The following CEP112 variants were observed in gnomAD, a reference collection of about 807,000 sequenced individuals.
The protein encoded by CEP112 is centrosomal protein of 112 kDa.
CEP112 carries 127 observed loss-of-function variants against 153.0 expected under a neutral mutation model. That is an observed-to-expected ratio of 0.83 (90% confidence interval 0.72 to 0.96). The LOEUF is 0.96. CEP112 is among the 40% of genes least tolerant of loss of function. The pLI is 0.00. For missense variants in CEP112, 1,089 were observed against 1,101.2 expected, an observed-to-expected ratio of 0.99 and a Z score of 0.16; for synonymous variants, 358 against 374.4, an observed-to-expected ratio of 0.96 and a Z score of 0.51.
chr17:65,942,113 G>A (rs2061522817), intron 18 of CEP112, among the ~76,000 whole-genome samples: 1 of 152,176 alleles, frequency 6.6e-6, no homozygotes, highest in African/African-American at 2.4e-5. Context: ...CATCCAGCAG[G>A]AGGTGAGTGG....
chr17:65,816,723 G>T (rs1421733620), intron 21 of CEP112, among the ~76,000 whole-genome samples: 2 of 151,982 alleles, frequency 1.3e-5, no homozygotes, highest in African/African-American at 4.8e-5. Context: ...GTGATTTTTT[G>T]TGTGTGTCTG....
At chr17:65,949,683 C>T (rs993133154) in intron 18 of CEP112, among the ~76,000 whole-genome samples, 2 of 152,130 alleles carry the variant, frequency 1.3e-5, no homozygotes, top group African/African-American at 4.8e-5. Flanking sequence ...CGAATACAGA[C>T]GATGAGCCAG....
intron 25 of CEP112, among the ~76,000 whole-genome samples, chr17:65,639,479 C>G (rs1486889776): frequency 4.6e-5 from 7 of 151,452 alleles, no homozygotes; most frequent in Admixed American, 3.9e-4. Flanking sequence ...AGTTCGAGAC[C>G]AGCCTGGCCA....
chr17:65,692,779 G>T (rs2048173494), intron 23 of CEP112, among the ~76,000 whole-genome samples: 1 of 152,038 alleles, frequency 6.6e-6, no homozygotes, highest in Non-Finnish European at 1.5e-5. Context: ...GCAGCTCAGG[G>T]CTCTCCTCTC....
At chr17:65,909,886 C>A (rs920785586) in intron 19 of CEP112, among the ~76,000 whole-genome samples, 1 of 152,216 alleles carries the variant, frequency 6.6e-6, no homozygotes, top group East Asian at 1.9e-4. Flanking sequence ...TTTCCAGTAT[C>A]CCAGTTTTAG....
chr17:65,853,870 T>C (rs2058045750), intron 20 of CEP112, among the ~76,000 whole-genome samples: 1 of 152,226 alleles, frequency 6.6e-6, no homozygotes, highest in African/African-American at 2.4e-5. Context: ...ATGTAGTCTA[T>C]CTCCCATTAA....
At chr17:65,796,690 T>C (rs2054931746) in intron 21 of CEP112, among the ~76,000 whole-genome samples, 1 of 151,688 alleles carries the variant, frequency 6.6e-6, no homozygotes, top group Non-Finnish European at 1.5e-5. Flanking sequence ...TCGAATATTG[T>C]AAAAATGTAT....
intron 21 of CEP112, among the ~76,000 whole-genome samples, chr17:65,786,388 C>T (rs549860435): frequency 2.0e-5 from 3 of 151,886 alleles, no homozygotes; most frequent in East Asian, 3.9e-4. Flanking sequence ...TCTTCCTTTC[C>T]GATCGGGATG....
intron 25 of CEP112, among the ~76,000 whole-genome samples, chr17:65,640,154 A>ATATATTTTTTTTTT (rs1300751452): frequency 1.3e-5 from 1 of 78,348 alleles, no homozygotes; most frequent in African/African-American, 7.0e-5. Flanking sequence ...ATATATATAT[A>ATATATTTTTTTTTT]TTTTTTTTTT....
chr17:66,012,294 G>T (rs1235427983), intron 16 of CEP112, among the ~76,000 whole-genome samples: 1 of 152,158 alleles, frequency 6.6e-6, no homozygotes, highest in African/African-American at 2.4e-5. Context: ...TTATTATGCA[G>T]ACTTGTTTGT....
chr17:65,951,399 A>C (rs564921470), intron 18 of CEP112, among the ~76,000 whole-genome samples: 1 of 152,196 alleles, frequency 6.6e-6, no homozygotes, highest in East Asian at 1.9e-4. Flanking sequence ...TTGGCAATTA[A>C]ATTTCTTATT....
At chr17:65,701,908 T>G (rs866292565) in intron 23 of CEP112, among the ~76,000 whole-genome samples, 18 of 148,852 alleles carry the variant, frequency 1.2e-4, no homozygotes, top group Middle Eastern at 3.4e-3. Context: ...GTTTTTTTTT[T>G]TTTTTTTTGA....
intron 19 of CEP112, among the ~76,000 whole-genome samples, chr17:65,905,575 T>C (rs2060040419): frequency 6.6e-6 from 1 of 152,150 alleles, no homozygotes. Flanking sequence ...AGAAATACCA[T>C]TTGACCCACA....
intron 20 of CEP112, among the ~76,000 whole-genome samples, chr17:65,898,015 A>C (rs2059716405): frequency 6.6e-6 from 1 of 152,108 alleles, no homozygotes; most frequent in Non-Finnish European, 1.5e-5. Context: ...GCAGAGCTAA[A>C]ATTTCCGCTT....
At chr17:65,831,435 T>C (rs1021137384) in intron 21 of CEP112, among the ~76,000 whole-genome samples, 10 of 151,896 alleles carry the variant, frequency 6.6e-5, no homozygotes, top group Admixed American at 5.2e-4. Flanking sequence ...TGGGCACCTG[T>C]AGTCCCAGCT....
chr17:66,064,864 A>G (rs1291921702), intron 10 of CEP112, among the ~76,000 whole-genome samples: 1 of 152,210 alleles, frequency 6.6e-6, no homozygotes. Context: ...ATATTTGGAG[A>G]AAAAACCTAA....
intron 25 of CEP112, among the ~76,000 whole-genome samples, chr17:65,640,245 T>C (rs35375195): frequency 0.47 from 66,965 of 143,584 alleles, 15,763 homozygotes; most frequent in Middle Eastern, 0.6. Flanking sequence ...CCTCTGCCTC[T>C]GGGGTTCAAG....
chr17:65,888,413 C>T (rs770706416), intron 20 of CEP112, among the ~76,000 whole-genome samples: 1 of 151,938 alleles, frequency 6.6e-6, no homozygotes, highest in Admixed American at 6.6e-5. Flanking sequence ...CTCCTCTTAG[C>T]GCAGTGACTG....
At chr17:66,098,325 G>A (rs926272002) in intron 6 of CEP112, among the ~76,000 whole-genome samples, 5 of 152,032 alleles carry the variant, frequency 3.3e-5, no homozygotes, top group African/African-American at 1.2e-4. Flanking sequence ...ATTTCTTTAA[G>A]GTTTTTCTTT....
Sources: allele counts gnomAD v4.1 joint callset (sites outside exome capture counted in the v4.1 genomes callset), GRCh38; gene constraint gnomAD v4.1.1; transcripts MANE v1.5; gene names NCBI Gene and HGNC (gene_info 2026-07-23, HGNC 2026-07-21).